Variants in MPDZ observed in about 807,000 individuals in gnomAD.
MPDZ encodes multiple PDZ domain protein.
Under a neutral mutation model 239.1 loss-of-function variants are expected in MPDZ, and 234 were observed. That is an observed-to-expected ratio of 0.98 (90% CI 0.88 to 1.09). The LOEUF (loss-of-function observed/expected upper bound fraction) is 1.09, where lower values mean the gene tolerates loss of function less well. Ranked by LOEUF, MPDZ falls within the 50% of genes least tolerant of loss-of-function variation. MPDZ has a pLI of 0.00. For synonymous variants in MPDZ, 1,048 were observed against 881.3 expected (o/e 1.19, Z -3.35); for missense variants, 3,175 against 2,510.0 (o/e 1.26, Z -5.66).
At chr9:13,154,479 AATG>A (rs1350400718) in intron 24 of MPDZ, among the ~76,000 whole-genome samples, 1 of 152,120 alleles carries the variant, frequency 6.6e-6, no homozygotes, top group African/African-American at 2.4e-5. Flanking sequence ...TTTGCTACTT[AATG>A]ATTATGTGAC....
rs1170792005 is a variant in MPDZ at position 13,188,785 on chromosome 9, G to A, written c.2363C>T (p.Pro788Leu). 6.2e-7 allele frequency: 1 copy of A among 1,611,784 alleles called. No homozygotes were observed. The highest frequency in any genetic ancestry group is 1.7e-5 in the Admixed American group (1 of 59,924). Residue 788 changes from proline (P) to leucine (L), a missense_variant and splice_region_variant, in exon 17 of 47, where the codon CCC becomes CTC. Coordinates refer to ENST00000319217, the MANE Select transcript of MPDZ (RefSeq NM_001378778.1). The stretch of plus-strand genomic sequence containing the variant: ...AAGCAATAAAGTCTGAATTCTTACG[G>A]GTAAAGGCTTAGCAACTCCTATTCT... ...TVRIGVAKPL[P>L]LSPEEGYVSA... is the part of the protein sequence containing the mutation.
At chr9:13,131,883 C>T (rs1946050160) in intron 32 of MPDZ, among the ~76,000 whole-genome samples, 1 of 152,172 alleles carries the variant, frequency 6.6e-6, no homozygotes, top group Non-Finnish European at 1.5e-5. Context: ...GAACAAATGG[C>T]TTGCCTATTG....
intron 6 of MPDZ, among the ~76,000 whole-genome samples, chr9:13,222,022 C>T (rs1959165777): frequency 6.6e-6 from 1 of 151,900 alleles, no homozygotes; most frequent in Non-Finnish European, 1.5e-5. Context: ...TGTCAAAGGA[C>T]AAAACTACAC....
chr9:13,254,955 T>C (rs762377201), intron 1 of MPDZ, among the ~76,000 whole-genome samples: 4 of 152,180 alleles, frequency 2.6e-5, no homozygotes, highest in African/African-American at 2.4e-5. Context: ...CTTTGCCACA[T>C]TGATTGATTC....
Position 13,153,675 on chromosome 9 carries a change from G to A in MPDZ, c.3453-2987C>T, listed in dbSNP as rs575504725. On this transcript the variant is annotated intron_variant, in intron 24 of 46. Transcript: ENST00000319217. ...CTTAAAGCAGTTCCTAAGGCAAAGT[G>A]GCAAATGAGTTAGTAAGTTTAGCCA... Among the ~76,000 whole-genome samples, 7 of 152,150 alleles carry A rather than the reference G, an allele frequency of 4.6e-5. No individual in the cohort carries two copies. In the East Asian group the frequency reaches 1.4e-3, roughly 29 times the overall value.
chr9:13,207,053 T>C (rs1334435050), intron 10 of MPDZ, among the ~76,000 whole-genome samples: 1 of 152,148 alleles, frequency 6.6e-6, no homozygotes, highest in Non-Finnish European at 1.5e-5. Flanking sequence ...ACCAGAACTA[T>C]GCAGGATTAA....
intron 22 of MPDZ, among the ~76,000 whole-genome samples, chr9:13,167,866 A>G (rs1176650909): frequency 6.6e-6 from 1 of 152,114 alleles, no homozygotes; most frequent in Non-Finnish European, 1.5e-5. Flanking sequence ...ATATCAACAT[A>G]TTGGTCTATC....
intron 16 of MPDZ, among the ~76,000 whole-genome samples, chr9:13,189,821 A>G (rs1472309834): frequency 1.6e-4 from 25 of 152,192 alleles, no homozygotes; most frequent in Non-Finnish European, 4.4e-5. Flanking sequence ...GAGTCATCAA[A>G]TAAGCCCATG....
intron 10 of MPDZ, among the ~76,000 whole-genome samples, chr9:13,212,947 C>A (rs1309526879): frequency 6.6e-6 from 1 of 152,010 alleles, no homozygotes; most frequent in Non-Finnish European, 1.5e-5. Flanking sequence ...GTTGCCAGGG[C>A]CTCCTCCAAC....
intron 43 of MPDZ, among the ~76,000 whole-genome samples, chr9:13,111,225 G>T (rs544886133): frequency 7.9e-5 from 12 of 152,304 alleles, no homozygotes; most frequent in Non-Finnish European, 1.8e-4. Context: ...ACAGCGCAGA[G>T]TTGAGTAGTT....
chr9:13,209,956 G>A (rs1027713154), intron 10 of MPDZ, among the ~76,000 whole-genome samples: 1 of 151,088 alleles, frequency 6.6e-6, no homozygotes, highest in African/African-American at 2.4e-5. Context: ...GAAATTATAA[G>A]GAGAAGATGA....
At chr9:13,263,457 T>C (rs569277027) in intron 1 of MPDZ, among the ~76,000 whole-genome samples, 59 of 150,200 alleles carry the variant, frequency 3.9e-4, no homozygotes, top group Middle Eastern at 3.6e-3. Flanking sequence ...GAAAAAATAA[T>C]GTTAACATTG....
chr9:13,197,577 T>A (rs983410484), intron 12 of MPDZ, among the ~76,000 whole-genome samples: 1 of 152,204 alleles, frequency 6.6e-6, no homozygotes, highest in Admixed American at 6.6e-5. Flanking sequence ...GGATATCCAT[T>A]CCCTTAAACA....
chr9:13,198,818 C>T (rs940391594), intron 12 of MPDZ, among the ~76,000 whole-genome samples: 4 of 136,636 alleles, frequency 2.9e-5, no homozygotes, highest in African/African-American at 1.1e-4. Context: ...ATTTTGAAGT[C>T]TGTTGGTGTG....
In MPDZ at chr9:13,113,041, T is replaced by C. The variant is rs774867671; in HGVS notation, c.5571A>G (p.Ile1857Met). The change falls in exon 42 of 47, where the codon ATA becomes ATG. Residue 1857 changes from isoleucine to methionine, a missense_variant. Physicochemically the swap from Ile to Met is conservative, Grantham distance 10. Transcript: ENST00000319217. ...SSKKNALASE[I>M]QGLRTVEMKK... ...TCATTTCGACTGTTCTTAATCCCTG[T>C]ATTTCAGATGCCACTGTAAAGGCAA... 6.3e-7 allele frequency: 1 copy of C among 1,584,490 alleles called. No individual in the cohort carries two copies. The highest frequency in any genetic ancestry group is 8.6e-7 in the Non-Finnish European group (1 of 1,163,184).
chr9:13,242,085 G>A (rs1965543830), intron 3 of MPDZ, among the ~76,000 whole-genome samples: 2 of 152,024 alleles, frequency 1.3e-5, no homozygotes, highest in Non-Finnish European at 2.9e-5. Flanking sequence ...ATGTGATGCT[G>A]TATTCTTAGA....
At chr9:13,170,619 C>T (rs1418765021) in intron 21 of MPDZ, among the ~76,000 whole-genome samples, 2 of 152,150 alleles carry the variant, frequency 1.3e-5, no homozygotes, top group South Asian at 2.1e-4. Flanking sequence ...AAATTTAACT[C>T]AGTGGATCAC....
At chr9:13,174,609 C>G (rs929244834) in intron 21 of MPDZ, among the ~76,000 whole-genome samples, 1 of 152,152 alleles carries the variant, frequency 6.6e-6, no homozygotes, top group African/African-American at 2.4e-5. Flanking sequence ...ATTTATAACT[C>G]CTATTAACAT....
intron 26 of MPDZ, 24 bp downstream of exon 26, chr9:13,147,524 A>T (rs1948595099): frequency 6.4e-7 from 1 of 1,558,374 alleles, no homozygotes; most frequent in Non-Finnish European, 8.8e-7. Flanking sequence ...GGATATGCCT[A>T]CCTTGCCCTT....
Sources: allele counts gnomAD v4.1 joint callset (sites outside exome capture counted in the v4.1 genomes callset), GRCh38; gene constraint gnomAD v4.1.1; transcripts MANE v1.5; gene names NCBI Gene and HGNC (gene_info 2026-07-23, HGNC 2026-07-21).